Variants in GNAO1 observed in about 807,000 individuals in gnomAD.
The protein encoded by GNAO1 is G protein subunit alpha o1, also known as guanine nucleotide-binding protein G(o) subunit alpha.
For synonymous variants in GNAO1, 164 were observed against 180.7 expected (o/e 0.91, Z 0.74); for missense variants, 166 against 478.7 (o/e 0.35, Z 6.10).
chr16:56,335,404 G>A (rs1014561877), intron 5 of GNAO1, among the ~76,000 whole-genome samples: 3 of 152,306 alleles, frequency 2.0e-5, no homozygotes, highest in East Asian at 3.9e-4. Flanking sequence ...GGGGCCTGAC[G>A]GGTGAGCTGG....
intron 2 of GNAO1, among the ~76,000 whole-genome samples, chr16:56,254,773 C>T (rs1436235254): frequency 4.6e-5 from 7 of 152,218 alleles, no homozygotes; most frequent in African/African-American, 1.4e-4. Context: ...GTAGTTGCTT[C>T]AAATTTCATC....
intron 2 of GNAO1, among the ~76,000 whole-genome samples, chr16:56,237,739 G>T (rs1438735912): frequency 6.6e-6 from 1 of 152,076 alleles, no homozygotes; most frequent in Non-Finnish European, 1.5e-5. Flanking sequence ...TTCTGAAATT[G>T]CAAAGAAATA....
intron 3 of GNAO1, among the ~76,000 whole-genome samples, chr16:56,287,654 G>T (rs1196838196): frequency 6.6e-6 from 1 of 152,202 alleles, no homozygotes; most frequent in Non-Finnish European, 1.5e-5. Flanking sequence ...CAAAGGGTTG[G>T]TGTCAAGGCC....
intron 1 of GNAO1, 47 bp downstream of exon 1, chr16:56,192,400 G>A: frequency 3.0e-6 from 2 of 672,624 alleles, no homozygotes; most frequent in Non-Finnish European, 4.0e-6. Context: ...CGGCCACTCC[G>A]CACCCCCTGC....
chr16:56,308,173 G>A (rs746750624), intron 3 of GNAO1: 5 of 152,210 alleles, frequency 3.3e-5, no homozygotes, highest in African/African-American at 4.8e-5. Flanking sequence ...CCATTGGAAA[G>A]AGGCTGTGTG....
At chr16:56,275,807 A>T (rs1030823401) in intron 2 of GNAO1, 124 bp from the exon 3 acceptor site, 14 of 639,254 alleles carry the variant, frequency 2.2e-5, no homozygotes, top group Admixed American at 7.4e-5. Flanking sequence ...TAATGTAGCA[A>T]CTCAGTAACT....
chr16:56,282,711 A>C (rs2037126528), intron 3 of GNAO1, among the ~76,000 whole-genome samples: 1 of 152,254 alleles, frequency 6.6e-6, no homozygotes, highest in Admixed American at 6.5e-5. Context: ...AGGAAAGCAG[A>C]AGCTACAGGC....
At chr16:56,256,698 C>G (rs1275238397) in intron 2 of GNAO1, among the ~76,000 whole-genome samples, 26 of 126,638 alleles carry the variant, frequency 2.1e-4, no homozygotes, top group South Asian at 1.6e-3. Flanking sequence ...CTCTCTCTCT[C>G]TCTCTCTCTC....
chr16:56,203,089 G>A (rs182866536), intron 2 of GNAO1, among the ~76,000 whole-genome samples: 1 of 152,304 alleles, frequency 6.6e-6, no homozygotes, highest in East Asian at 1.9e-4. Context: ...AGGTGCAGAA[G>A]AAGCAGTGAT....
intron 2 of GNAO1, chr16:56,235,014 C>G (rs1206198391): frequency 2.5e-5 from 7 of 285,456 alleles, no homozygotes; most frequent in African/African-American, 1.5e-4. Context: ...ACCCCACAGC[C>G]CCTCGGGGAG....
At chr16:56,227,687 CA>C (rs386384777) in intron 2 of GNAO1, among the ~76,000 whole-genome samples, 7,334 of 61,454 alleles carry the variant, frequency 0.12, 99 homozygotes, top group African/African-American at 0.19. Context: ...GACCCTGTCT[CA>C]AAAAAAAAAA....
chr16:56,191,794 G>A lies in GNAO1; in HGVS notation c.-442G>A, dbSNP rs1188967580. 9.6e-6 allele frequency: 2 copies of A among 208,688 alleles called. No homozygotes were observed. The highest frequency in any genetic ancestry group is 7.7e-5 in the South Asian group (1 of 12,906). The allele number at this position is 208,688 out of a possible 1,614,324, so 12.9% of individuals were successfully genotyped here. On this transcript the variant is annotated 5_prime_UTR_variant, in exon 1 of 9. Coordinates refer to ENST00000262493, the MANE Select transcript of GNAO1 (RefSeq NM_020988.3). The surrounding 1 kb of genome is among the most constrained non-coding windows in gnomAD (Gnocchi z 4.7). ...CTCCACCTCCTCCTCCGCCGCCGCC[G>A]CCTCCTCCTCCTCCGGCAGCCGCGG...
intron 2 of GNAO1, among the ~76,000 whole-genome samples, chr16:56,214,723 A>C (rs920587411): frequency 6.6e-6 from 1 of 152,180 alleles, no homozygotes; most frequent in Admixed American, 6.5e-5. Flanking sequence ...CTCCTCTGCC[A>C]TCCTGGGAAC....
At chr16:56,237,101 G>A (rs1307136360) in intron 2 of GNAO1, among the ~76,000 whole-genome samples, 1 of 152,170 alleles carries the variant, frequency 6.6e-6, no homozygotes, top group Non-Finnish European at 1.5e-5. Flanking sequence ...AGCACAAAAT[G>A]AGTACTCAAA....
At chr16:56,330,987 G>C (rs2037683409) in intron 4 of GNAO1, among the ~76,000 whole-genome samples, 2 of 152,234 alleles carry the variant, frequency 1.3e-5, no homozygotes, top group Non-Finnish European at 2.9e-5. Flanking sequence ...GAAGGGCCTG[G>C]CACATTTCCT....
chr16:56,334,123 T>C (rs1355731920), intron 4 of GNAO1, among the ~76,000 whole-genome samples: 1 of 152,220 alleles, frequency 6.6e-6, no homozygotes, highest in African/African-American at 2.4e-5. Context: ...GCCCAGCCGC[T>C]GTATGGCTGT....
chr16:56,315,408 CAG>C (rs1201675162), intron 3 of GNAO1, among the ~76,000 whole-genome samples: 1 of 152,112 alleles, frequency 6.6e-6, no homozygotes, highest in African/African-American at 2.4e-5. Flanking sequence ...ACACTGGGCT[CAG>C]GGGAAAGGAG....
At chr16:56,330,322 C>G (rs1286810092) in intron 4 of GNAO1, among the ~76,000 whole-genome samples, 3 of 152,174 alleles carry the variant, frequency 2.0e-5, no homozygotes, top group Non-Finnish European at 2.9e-5. Flanking sequence ...ACTCCCTGTC[C>G]CTGCCCTGGA....
At chr16:56,288,246 T>G (rs542883555) in intron 3 of GNAO1, among the ~76,000 whole-genome samples, 2 of 152,262 alleles carry the variant, frequency 1.3e-5, no homozygotes, top group Non-Finnish European at 2.9e-5. Context: ...GGTGTACTGC[T>G]GCTCAGAGCT....
Sources: allele counts gnomAD v4.1 joint callset (sites outside exome capture counted in the v4.1 genomes callset), GRCh38; gene constraint gnomAD v4.1.1; non-coding constraint Gnocchi (gnomAD v3.1); transcripts MANE v1.5; gene names NCBI Gene and HGNC (gene_info 2026-07-23, HGNC 2026-07-21).